Variants in SDCCAG8 observed in about 807,000 individuals in gnomAD.
The protein encoded by SDCCAG8 is serologically defined colon cancer antigen 8.
A neutral mutation model predicts 101.8 loss-of-function variants in SDCCAG8; 74 were observed. The observed-to-expected ratio is 0.73, with a 90% CI of 0.60 to 0.88. The LOEUF (loss-of-function observed/expected upper bound fraction) is 0.88. SDCCAG8 is among the 40% of genes least tolerant of loss of function. The pLI, the probability that SDCCAG8 is intolerant of heterozygous loss-of-function variation, is 0.00. For missense variants in SDCCAG8, 787 were observed against 822.6 expected, an observed-to-expected ratio of 0.96 and a Z score of 0.53; for synonymous variants, 281 against 292.9, an observed-to-expected ratio of 0.96 and a Z score of 0.41.
intron 10 of SDCCAG8, 39 bp from the exon 11 acceptor site, chr1:243,341,000 A>G (rs2075353330): frequency 1.2e-6 from 2 of 1,600,024 alleles, no homozygotes; most frequent in Non-Finnish European, 1.7e-6. Context: ...TGATTTGTCA[A>G]ATGACATTAT....
At chr1:243,354,402 C>T (rs1229962451) in intron 12 of SDCCAG8, among the ~76,000 whole-genome samples, 1 of 152,120 alleles carries the variant, frequency 6.6e-6, no homozygotes, top group Non-Finnish European at 1.5e-5. Flanking sequence ...TAGACATTTT[C>T]GTTATGATTG....
chr1:243,318,176 A>T (rs2073428098), intron 9 of SDCCAG8: 1 of 420,164 alleles, frequency 2.4e-6, no homozygotes, highest in South Asian at 1.7e-5. Flanking sequence ...ATGCAGCCAT[A>T]AAAAGAATGA....
At chr1:243,355,446 G>T (rs1232859055) in intron 12 of SDCCAG8, among the ~76,000 whole-genome samples, 1 of 152,082 alleles carries the variant, frequency 6.6e-6, no homozygotes, top group African/African-American at 2.4e-5. Flanking sequence ...AGTGCGAGGG[G>T]ACGCTCATAT....
chr1:243,496,200 G>T (rs891910949), intron 17 of SDCCAG8, among the ~76,000 whole-genome samples: 2 of 152,246 alleles, frequency 1.3e-5, no homozygotes, highest in African/African-American at 4.8e-5. Context: ...TTGGGAAGTG[G>T]CTGGGCAGGG....
At chr1:243,438,619 G>A (rs1282425521) in intron 16 of SDCCAG8, among the ~76,000 whole-genome samples, 1 of 152,050 alleles carries the variant, frequency 6.6e-6, no homozygotes, top group African/African-American at 2.4e-5. Flanking sequence ...ACCTGGAGGA[G>A]TCTTTCTCTT....
chr1:243,437,901 A>T (rs1275771443), intron 16 of SDCCAG8, among the ~76,000 whole-genome samples: 1 of 152,132 alleles, frequency 6.6e-6, no homozygotes, highest in Non-Finnish European at 1.5e-5. Flanking sequence ...GCCCTCCCTC[A>T]GTGACAGTTC....
chr1:243,463,236 T>C (rs1659478541), intron 16 of SDCCAG8, among the ~76,000 whole-genome samples: 1 of 152,108 alleles, frequency 6.6e-6, no homozygotes, highest in East Asian at 1.9e-4. Flanking sequence ...GTAAGAGCCA[T>C]GGGTAGGGCA....
chr1:243,481,640 C>T (rs552978629), intron 16 of SDCCAG8, among the ~76,000 whole-genome samples: 40 of 152,146 alleles, frequency 2.6e-4, no homozygotes, highest in African/African-American at 8.0e-4. Context: ...AGGAAGACGC[C>T]GCTCCCAGGG....
intron 13 of SDCCAG8, among the ~76,000 whole-genome samples, chr1:243,395,004 C>T (rs1282648084): frequency 6.6e-6 from 1 of 152,130 alleles, no homozygotes; most frequent in Non-Finnish European, 1.5e-5. Context: ...TGAATTAGTC[C>T]ATTTATAAAA....
intron 16 of SDCCAG8, among the ~76,000 whole-genome samples, chr1:243,455,848 T>C (rs776256193): frequency 6.6e-6 from 1 of 152,268 alleles, no homozygotes; most frequent in Non-Finnish European, 1.5e-5. Context: ...ACCCTCTGTG[T>C]GTGCCACATT....
In SDCCAG8 at chr1:243,270,273, A is replaced by G. The variant is rs1255938131; in HGVS notation, c.220+16A>G. On this transcript the variant is annotated intron_variant, in intron 2 of 17. Coordinates refer to ENST00000366541, the MANE Select transcript of SDCCAG8 (RefSeq NM_006642.5). ...AGCCATGCTGGTGAGTGTGAATGTCAATCCTAGTCTGAATGATGCATAGTG... is the reference window on the plus strand; with the variant it reads ...AGCCATGCTGGTGAGTGTGAATGTCGATCCTAGTCTGAATGATGCATAGTG... 6.2e-7 allele frequency: 1 copy of G among 1,612,936 alleles called. No individual in the cohort carries two copies. The highest frequency in any genetic ancestry group is 1.3e-5 in the African/African-American group (1 of 75,044).
chr1:243,446,907 T>A (rs1240178007), intron 16 of SDCCAG8, among the ~76,000 whole-genome samples: 1 of 152,114 alleles, frequency 6.6e-6, no homozygotes, highest in Non-Finnish European at 1.5e-5. Context: ...GGAGACTGTA[T>A]GGCTGAAAAT....
At chr1:243,396,955 A>G (rs2079068437) in intron 13 of SDCCAG8, among the ~76,000 whole-genome samples, 1 of 152,232 alleles carries the variant, frequency 6.6e-6, no homozygotes, top group African/African-American at 2.4e-5. Context: ...TGAAGAAGAA[A>G]GCAGAAGCTT....
chr1:243,322,583 C>T (rs2073843622), intron 9 of SDCCAG8, among the ~76,000 whole-genome samples: 1 of 152,154 alleles, frequency 6.6e-6, no homozygotes, highest in Non-Finnish European at 1.5e-5. Context: ...CGGAATTTCT[C>T]CACCCTGATC....
At chr1:243,467,254 A>G (rs1167031456) in intron 16 of SDCCAG8, among the ~76,000 whole-genome samples, 4 of 152,212 alleles carry the variant, frequency 2.6e-5, no homozygotes, top group South Asian at 2.1e-4. Context: ...ATCCTGTTCC[A>G]TGTTCCACTT....
At chr1:243,302,628 T>A (rs2071634287) in intron 6 of SDCCAG8, among the ~76,000 whole-genome samples, 1 of 152,208 alleles carries the variant, frequency 6.6e-6, no homozygotes, top group East Asian at 1.9e-4. Context: ...GGAAGTACCT[T>A]GCCAGTAAGA....
chr1:243,312,275 C>T (rs575764524), intron 8 of SDCCAG8, among the ~76,000 whole-genome samples: 1 of 152,326 alleles, frequency 6.6e-6, no homozygotes, highest in East Asian at 1.9e-4. Flanking sequence ...ATGACTTTAA[C>T]ATGGAATGTT....
At chr1:243,402,099 A>C (rs1381971368) in intron 13 of SDCCAG8, among the ~76,000 whole-genome samples, 1 of 151,966 alleles carries the variant, frequency 6.6e-6, no homozygotes, top group Non-Finnish European at 1.5e-5. Context: ...TAAACCACAC[A>C]TGTCATTTAA....
chr1:243,428,139 T>C (rs3949383), intron 16 of SDCCAG8, among the ~76,000 whole-genome samples: 4 of 152,346 alleles, frequency 2.6e-5, no homozygotes, highest in Admixed American at 1.3e-4. Context: ...TCACACATAG[T>C]ACCTTATGTA....
Sources: allele counts gnomAD v4.1 joint callset (sites outside exome capture counted in the v4.1 genomes callset), GRCh38; gene constraint gnomAD v4.1.1; transcripts MANE v1.5; gene names NCBI Gene and HGNC (gene_info 2026-07-23, HGNC 2026-07-21).